The following RSRC1 variants were observed in gnomAD, a reference collection of about 807,000 sequenced individuals.
RSRC1 encodes the protein arginine and serine rich coiled-coil 1.
In RSRC1, 39 loss-of-function variants were observed where a neutral mutation model predicts 49.1. That is an observed-to-expected ratio of 0.79 (90% CI 0.61 to 1.04). RSRC1 has a LOEUF of 1.04. RSRC1 is among the 50% of genes least tolerant of loss of function. The pLI is 0.00. For synonymous variants in RSRC1, 143 were observed against 130.8 expected (o/e 1.09, Z -0.63); for missense variants, 388 against 402.4 (o/e 0.96, Z 0.31).
chr3:158,304,073 G>A (rs2108130041), intron 5 of RSRC1, among the ~76,000 whole-genome samples: 1 of 152,254 alleles, frequency 6.6e-6, no homozygotes, highest in Admixed American at 6.5e-5. Context: ...TCTCATTTAT[G>A]TTTCTTATAT....
intron 5 of RSRC1, among the ~76,000 whole-genome samples, chr3:158,318,886 C>T (rs1420264012): frequency 6.6e-6 from 1 of 152,124 alleles, no homozygotes; most frequent in Non-Finnish European, 1.5e-5. Context: ...TATTTCAACC[C>T]TTCTCTTTTC....
intron 5 of RSRC1, among the ~76,000 whole-genome samples, chr3:158,316,602 G>A (rs558906375): frequency 6.6e-6 from 1 of 151,740 alleles, no homozygotes; most frequent in South Asian, 2.1e-4. Flanking sequence ...CCGCCACCTC[G>A]CCCAGCTAAT....
intron 5 of RSRC1, among the ~76,000 whole-genome samples, chr3:158,338,464 A>G (rs1730040582): frequency 6.6e-6 from 1 of 152,224 alleles, no homozygotes; most frequent in Non-Finnish European, 1.5e-5. Flanking sequence ...AAATGTAGCT[A>G]GAAATATGAT....
At chr3:158,528,807 A>G (rs1712203259) in intron 7 of RSRC1, among the ~76,000 whole-genome samples, 1 of 151,792 alleles carries the variant, frequency 6.6e-6, no homozygotes, top group Non-Finnish European at 1.5e-5. Flanking sequence ...AATTCTTACC[A>G]CTCTATTAAA....
At chr3:158,181,287 A>G (rs759164946) in intron 3 of RSRC1, among the ~76,000 whole-genome samples, 3 of 152,148 alleles carry the variant, frequency 2.0e-5, no homozygotes, top group Non-Finnish European at 2.9e-5. Flanking sequence ...GAATTAGGCA[A>G]ATGTGGCATG....
At chr3:158,513,871 A>T (rs1021676247) in intron 7 of RSRC1, among the ~76,000 whole-genome samples, 19 of 152,122 alleles carry the variant, frequency 1.2e-4, no homozygotes, top group African/African-American at 4.3e-4. Flanking sequence ...CAAGGAATTT[A>T]TCCATTTCTT....
At chr3:158,494,205 T>C (rs1273316117) in intron 7 of RSRC1, among the ~76,000 whole-genome samples, 2 of 152,202 alleles carry the variant, frequency 1.3e-5, no homozygotes, top group Admixed American at 6.5e-5. Flanking sequence ...AACTATATGG[T>C]ATAGCCCGCT....
intron 4 of RSRC1, among the ~76,000 whole-genome samples, chr3:158,218,771 A>G (rs556365256): frequency 6.6e-6 from 1 of 151,682 alleles, no homozygotes; most frequent in African/African-American, 2.4e-5. Flanking sequence ...CCATATGGCA[A>G]GATTAAATCA....
At chr3:158,139,600 A>G (rs1263428794) in intron 3 of RSRC1, among the ~76,000 whole-genome samples, 3 of 151,704 alleles carry the variant, frequency 2.0e-5, no homozygotes, top group Non-Finnish European at 4.4e-5. Flanking sequence ...ACGTGAAATT[A>G]ATAGCTAATG....
At chr3:158,154,667 G>T (rs1423510342) in intron 3 of RSRC1, among the ~76,000 whole-genome samples, 1 of 152,002 alleles carries the variant, frequency 6.6e-6, no homozygotes, top group Non-Finnish European at 1.5e-5. Context: ...TTTTCACCAT[G>T]TTGGCCAGGA....
intron 6 of RSRC1, among the ~76,000 whole-genome samples, chr3:158,417,463 C>A (rs1035320837): frequency 2.0e-5 from 3 of 151,932 alleles, no homozygotes; most frequent in African/African-American, 4.8e-5. Flanking sequence ...AAAAATCACA[C>A]TGAGATTTCT....
intron 6 of RSRC1, among the ~76,000 whole-genome samples, chr3:158,358,418 G>A (rs1731274806): frequency 2.0e-5 from 3 of 152,112 alleles, no homozygotes; most frequent in African/African-American, 7.2e-5. Flanking sequence ...CTCCTAATTG[G>A]CTTCCTGCTT....
At chr3:158,196,987 C>T (rs545928457) in intron 3 of RSRC1, among the ~76,000 whole-genome samples, 12 of 152,244 alleles carry the variant, frequency 7.9e-5, no homozygotes, top group Admixed American at 2.0e-4. Flanking sequence ...CTCTGCCAGG[C>T]TTTGGTATCA....
intron 6 of RSRC1, among the ~76,000 whole-genome samples, chr3:158,377,761 G>A (rs898766760): frequency 1.3e-5 from 2 of 151,844 alleles, no homozygotes; most frequent in Non-Finnish European, 2.9e-5. Context: ...CTGGGTTCAA[G>A]TGATTCTCCT....
intron 6 of RSRC1, among the ~76,000 whole-genome samples, chr3:158,406,998 AG>A (rs1734190677): frequency 6.6e-6 from 1 of 152,092 alleles, no homozygotes; most frequent in African/African-American, 2.4e-5. Context: ...TGAGAGTATA[AG>A]GCATGCAGAA....
intron 5 of RSRC1, among the ~76,000 whole-genome samples, chr3:158,322,692 C>T (rs1006401131): frequency 6.6e-6 from 1 of 151,856 alleles, no homozygotes; most frequent in African/African-American, 2.4e-5. Flanking sequence ...TTTTCTGCCC[C>T]TTCTCACTTC....
At chr3:158,443,877 T>C (rs371097425) in intron 6 of RSRC1, among the ~76,000 whole-genome samples, 8 of 152,130 alleles carry the variant, frequency 5.3e-5, no homozygotes, top group African/African-American at 1.9e-4. Context: ...CTGATGGGCC[T>C]TATTTCAGTA....
chr3:158,426,181 TAAAC>T (rs1366718186), intron 6 of RSRC1, among the ~76,000 whole-genome samples: 1 of 151,738 alleles, frequency 6.6e-6, no homozygotes, highest in Non-Finnish European at 1.5e-5. Context: ...AAGGATTTCT[TAAAC>T]AAGACAAAGT....
At chr3:158,133,729 T>G (rs777718376) in intron 3 of RSRC1, among the ~76,000 whole-genome samples, 2 of 152,202 alleles carry the variant, frequency 1.3e-5, no homozygotes, top group African/African-American at 2.4e-5. Flanking sequence ...ATTTCCTAAT[T>G]TGATCATATT....
Sources: gnomAD v4.1 joint callset for allele counts (sites outside exome capture counted in the v4.1 genomes callset) on GRCh38, gnomAD v4.1.1 for gene constraint, MANE v1.5 for transcripts, NCBI Gene and HGNC (gene_info 2026-07-23, HGNC 2026-07-21) for gene names.